The following SLC2A6 variants were observed in gnomAD, a reference collection of about 807,000 sequenced individuals.
SLC2A6 encodes solute carrier family 2, facilitated glucose transporter member 6.
Under a neutral mutation model 47.8 loss-of-function variants are expected in SLC2A6, and 39 were observed. The observed-to-expected ratio is 0.82, with a 90% confidence interval of 0.63 to 1.07. SLC2A6 has a LOEUF of 1.07. SLC2A6 is among the 50% of genes least tolerant of loss of function. The pLI is 0.00. For synonymous variants in SLC2A6, 346 were observed against 324.1 expected (o/e 1.07, Z -0.73); for missense variants, 650 against 707.6 (o/e 0.92, Z 0.92).
At chr9:133,478,103 C>T (rs1163444830) in intron 2 of SLC2A6, 151 bp downstream of exon 2, 13 of 754,904 alleles carry the variant, frequency 1.7e-5, no homozygotes, top group Non-Finnish European at 2.4e-5. Flanking sequence ...AGCTTTACCC[C>T]ACCCACTAGT....
In SLC2A6 at chr9:133,474,927, C is replaced by T. The variant is rs375359041; in HGVS notation, c.927+34G>A. 2.4e-4 allele frequency: 357 copies of T among 1,477,982 alleles called. No individual in the cohort carries two copies. The African/African-American group carries it at 3.8e-3, about 16-fold the overall frequency. The allele number at this position is 1,477,982 out of a possible 1,614,324, so 91.6% of individuals were successfully genotyped here. A position where few individuals can be genotyped will look rare whatever the true frequency, so the allele number is the denominator to read the frequency against. On this transcript the variant is annotated intron_variant, in intron 6 of 9. Transcript: ENST00000371899. ...TGCCCTGCCAGCCTCCAGGGGACCC[C>T]GTGGGTGGGCGCCGGCCGGGGCTGG...
chr9:133,473,827 A>G, intron 7 of SLC2A6, 153 bp downstream of exon 7: 1 of 775,048 alleles, frequency 1.3e-6, no homozygotes, highest in East Asian at 2.8e-5. Context: ...TTTCTGGACC[A>G]CTGGCCTGGG....
In SLC2A6 at chr9:133,472,173, T is replaced by G; in HGVS notation, c.1372A>C (p.Thr458Pro). ...AAGAAAGGCACCTGGAGGCCGAAGG[T>G]GCTCTGCGGGTGAAGAGCGGGGCCG... ...LTKSFLPVVS[T>P]FGLQVPFFFF... is the part of the protein sequence containing the mutation. The change falls in exon 10 of 10, where the codon ACC (threonine) becomes CCC (proline). Residue 458 changes from threonine to proline, a missense_variant. By Grantham distance (38) the Thr-to-Pro change is conservative. Coordinates refer to ENST00000371899, the MANE Select transcript of SLC2A6 (RefSeq NM_017585.4). 1 of 1,612,756 alleles carries G rather than the reference T, an allele frequency of 6.2e-7. No homozygotes were observed. Among genetic ancestry groups the G allele is most frequent in the Non-Finnish European group, 8.5e-7 (1 of 1,179,810 alleles).
intron 9 of SLC2A6, 64 bp downstream of exon 9, chr9:133,473,041 C>T: frequency 2.0e-6 from 3 of 1,515,370 alleles, no homozygotes; most frequent in Non-Finnish European, 2.6e-6. Flanking sequence ...GCCCCTGGCA[C>T]TGAGAAGGGT....
chr9:133,473,732 G>A, intron 7 of SLC2A6, 132 bp from the exon 8 acceptor site: 1 of 979,034 alleles, frequency 1.0e-6, no homozygotes, highest in African/African-American at 1.7e-5. Flanking sequence ...CCCCAGCAGG[G>A]CAGCAAGCTC....
rs73550877 is a variant in SLC2A6 at position 133,474,570 on chromosome 9, T to C, written c.927+391A>G. 4.2e-3 allele frequency among the ~76,000 whole-genome samples: 642 copies of C among 152,330 alleles called. 5 individuals are homozygous for C. The highest frequency in any genetic ancestry group is 0.015 in the African/African-American group (613 of 41,562). ...TTCCTTTGTAATCCCATGTATTTTATTTAATTTTTAAAATTTCTATATGTT... is the reference window on the plus strand; with the variant it reads ...TTCCTTTGTAATCCCATGTATTTTACTTAATTTTTAAAATTTCTATATGTT... On this transcript the variant is annotated intron_variant, in intron 6 of 9. Coordinates refer to ENST00000371899, the MANE Select transcript of SLC2A6 (RefSeq NM_017585.4).
chr9:133,478,237 C>A lies in SLC2A6; in HGVS notation c.255+17G>T, dbSNP rs1042466746. 6.2e-7 allele frequency: 1 copy of A among 1,613,336 alleles called. No homozygotes were observed. The highest frequency in any genetic ancestry group is 1.3e-5 in the African/African-American group (1 of 75,042). On this transcript the variant is annotated intron_variant, in intron 2 of 9. Coordinates refer to ENST00000371899, the MANE Select transcript of SLC2A6 (RefSeq NM_017585.4). ...CCTCCTTCCTGCACCCACCCTCCTC[C>A]AGAGGATGGTCCTTACCCCAAACCA... is the stretch of plus-strand genomic sequence containing the variant.
chr9:133,475,550 G>C lies in SLC2A6; in HGVS notation c.624C>G (p.Ile208Met), dbSNP rs960443922. Reference protein sequence around the residue: ...VAGEAPVLIMILLLSFMPNSP... With the variant: ...VAGEAPVLIMMLLLSFMPNSP... Reference sequence around the variant, plus strand: ...AGTTGGGCATGAAGCTGAGCAGCAGGATCATGATGAGCACAGGCGCCTCCC... The same window carrying C: ...AGTTGGGCATGAAGCTGAGCAGCAGCATCATGATGAGCACAGGCGCCTCCC... Residue 208 changes from isoleucine (I) to methionine (M), a missense_variant, in exon 5 of 10, where the codon ATC (isoleucine) becomes ATG (methionine). Transcript: ENST00000371899. The C allele has an allele frequency of 2.5e-6, 4 of 1,609,914 alleles. No homozygotes were observed. In the African/African-American group the frequency reaches 5.3e-5, roughly 21 times the overall value.
In SLC2A6 at chr9:133,477,022, G is replaced by A; in HGVS notation, c.462+13C>T. On this transcript the variant is annotated intron_variant, in intron 3 of 9. Transcript: ENST00000371899. ...AGGCATTGGGGCGCCTGGGTGGGAA[G>A]GCCTGGCCTTACCGGGATGCAGGCA... 2.6e-6 allele frequency: 4 copies of A among 1,547,386 alleles called. No individual in the cohort carries two copies. The East Asian group carries it at 9.8e-5, about 38-fold the overall frequency.
In SLC2A6 at chr9:133,477,024, C is replaced by A; in HGVS notation, c.462+11G>T. On this transcript the variant is annotated intron_variant, in intron 3 of 9. Coordinates refer to ENST00000371899, the MANE Select transcript of SLC2A6 (RefSeq NM_017585.4). ...GCATTGGGGCGCCTGGGTGGGAAGGCCTGGCCTTACCGGGATGCAGGCAGC... is the reference window on the plus strand; with the variant it reads ...GCATTGGGGCGCCTGGGTGGGAAGGACTGGCCTTACCGGGATGCAGGCAGC... The A allele has an allele frequency of 6.5e-7, 1 of 1,547,482 alleles. No individual in the cohort carries two copies. The highest frequency in any genetic ancestry group is 2.4e-5 in the East Asian group (1 of 40,906).
At chr9:133,472,784 C>T (rs1339525213) in intron 9 of SLC2A6, among the ~76,000 whole-genome samples, 7 of 152,068 alleles carry the variant, frequency 4.6e-5, no homozygotes, top group South Asian at 4.1e-4. Context: ...CCCAGGAGGG[C>T]GGGAGATGAG....
Position 133,477,230 on chromosome 9 carries a change from G to A in SLC2A6, c.267C>T (p.Thr89=), listed in dbSNP as rs587685567. 1.9e-6 allele frequency: 3 copies of A among 1,550,860 alleles called. No individual in the cohort carries two copies. Among genetic ancestry groups the A allele is most frequent in the Non-Finnish European group, 2.6e-6 (3 of 1,147,230 alleles). The stretch of plus-strand genomic sequence containing the variant: ...TCAGGCCTCCGGCCGCTGCTCCCAG[G>A]GTGAACACGGACTGCAGGGGAAGGG... The part of the protein sequence containing the change: ...SQASWFGSVF[T]LGAAAGGLSA... The change falls in exon 3 of 10, where the codon ACC becomes ACT. Residue 89 remains threonine (T), a synonymous_variant. Transcript: ENST00000371899.
In SLC2A6 at chr9:133,477,157, A is replaced by T; in HGVS notation, c.340T>A (p.Phe114Ile). Residue 114 changes from phenylalanine (F) to isoleucine (I), a missense_variant, in exon 3 of 10, where the codon TTC becomes ATC. Coordinates refer to ENST00000371899, the MANE Select transcript of SLC2A6 (RefSeq NM_017585.4). ...DLLGRKLSIM[F>I]SAVPSAAGYA... is the part of the protein sequence containing the mutation. ...CCGGCCGCCGACGGCACAGCTGAGA[A>T]CATGATGCTCAGCTTCCGGCCCAGG... The T allele has an allele frequency of 1.3e-6, 2 of 1,550,378 alleles. No homozygotes were observed. Among genetic ancestry groups the T allele is most frequent in the Non-Finnish European group, 1.7e-6 (2 of 1,146,940 alleles).
In SLC2A6 at chr9:133,477,178, C is replaced by T. The variant is rs1554803644; in HGVS notation, c.319G>A (p.Gly107Ser). ...GAGAACATGATGCTCAGCTTCCGGC[C>T]CAGGAGGTCGTTGAGGATCATGGCA... Reference protein sequence around the residue: ...LSAMILNDLLGRKLSIMFSAV... With the variant: ...LSAMILNDLLSRKLSIMFSAV... Residue 107 changes from glycine to serine, a missense_variant, in exon 3 of 10, where the codon GGC becomes AGC. Coordinates refer to ENST00000371899, the MANE Select transcript of SLC2A6 (RefSeq NM_017585.4). The T allele has an allele frequency of 6.4e-7, 1 of 1,550,560 alleles. No homozygotes were observed.
chr9:133,473,526 T>C lies in SLC2A6; in HGVS notation c.1111A>G (p.Ser371Gly), dbSNP rs1256644273. The change falls in exon 8 of 10, where the codon AGC (serine) becomes GGC (glycine). Residue 371 changes from serine (S) to glycine (G), a missense_variant. By Grantham distance (56) the Ser-to-Gly change is moderately conservative. Transcript: ENST00000371899. ...GACTCGCTTTCCAGGCCCGCAGTGCTGTTGGGGCTCAGAGGCCTGGGGCCA... is the reference window on the plus strand; with the variant it reads ...GACTCGCTTTCCAGGCCCGCAGTGCCGTTGGGGCTCAGAGGCCTGGGGCCA... ...HFGPRPLSPNSTAGLESESWG... is the reference protein window; with the variant it reads ...HFGPRPLSPNGTAGLESESWG... The C allele has an allele frequency of 1.9e-6, 3 of 1,590,638 alleles. No homozygotes were observed. The highest frequency in any genetic ancestry group is 2.6e-6 in the Non-Finnish European group (3 of 1,170,552).
chr9:133,474,800 C>T (rs987633772), intron 6 of SLC2A6, among the ~76,000 whole-genome samples, 161 bp downstream of exon 6: 18 of 152,232 alleles, frequency 1.2e-4, no homozygotes, highest in African/African-American at 4.1e-4. Flanking sequence ...CTCCACAAGG[C>T]CCAGATCTCA....
At chr9:133,473,762 G>T (rs1843828275) in intron 7 of SLC2A6, 162 bp from the exon 8 acceptor site, 4 of 810,420 alleles carry the variant, frequency 4.9e-6, no homozygotes, top group Non-Finnish European at 7.6e-6. Context: ...CCGCGTGTTA[G>T]GCTCCCACCG....
intron 6 of SLC2A6, among the ~76,000 whole-genome samples, chr9:133,474,671 C>G (rs1843872681): frequency 6.6e-6 from 1 of 152,214 alleles, no homozygotes; most frequent in Admixed American, 6.5e-5. Context: ...TCTCACACTC[C>G]TGGGCTTAAG....
chr9:133,476,815 G>C (rs1003989509), intron 3 of SLC2A6, among the ~76,000 whole-genome samples: 8 of 152,244 alleles, frequency 5.3e-5, no homozygotes, highest in Non-Finnish European at 5.9e-5. Context: ...GGGGTAGAAG[G>C]CTTGGAAAGT....
Sources: gnomAD v4.1 joint callset for allele counts (sites outside exome capture counted in the v4.1 genomes callset) on GRCh38, gnomAD v4.1.1 for gene constraint, MANE v1.5 for transcripts, NCBI Gene and HGNC (gene_info 2026-07-23, HGNC 2026-07-21) for gene names.